The following TTC28 variants were observed in gnomAD, a reference collection of about 807,000 sequenced individuals.
TTC28 encodes tetratricopeptide repeat protein 28.
A neutral mutation model predicts 198.0 loss-of-function variants in TTC28; 61 were observed. That is an observed-to-expected ratio of 0.31 (90% CI 0.25 to 0.38). The LOEUF (loss-of-function observed/expected upper bound fraction) is 0.38, where lower values mean the gene tolerates loss of function less well. Ranked by LOEUF, TTC28 falls within the 10% of genes least tolerant of loss-of-function variation. The probability of loss-of-function intolerance (pLI) is 1.00; values close to 1 mark genes in which losing one functional copy is unlikely to be tolerated. For missense variants in TTC28, 2,678 were observed against 3,164.0 expected, an observed-to-expected ratio of 0.85 and a Z score of 3.69; for synonymous variants, 1,171 against 1,297.8, an observed-to-expected ratio of 0.90 and a Z score of 2.10.
At chr22:28,576,911 T>TA (rs549997500) in intron 2 of TTC28, among the ~76,000 whole-genome samples, 48 of 151,928 alleles carry the variant, frequency 3.2e-4, no homozygotes, top group Non-Finnish European at 5.6e-4. Flanking sequence ...ATTTTATCTT[T>TA]AAAAAAAACT....
rs1942141669 is a variant in TTC28 at position 28,101,213 on chromosome 22, G to A, written c.3375C>T (p.Leu1125=). 8 of 1,551,662 alleles carry A rather than the reference G, an allele frequency of 5.2e-6. No homozygotes were observed. In the African/African-American group the frequency reaches 8.2e-5, roughly 16 times the overall value. The part of the protein sequence containing the change: ...DEAKIRHGLG[L]SLWASGNLEE... ...CCAAGTTTCCACTAGCCCAAAGGGA[G>A]AGGCCAAGGCCATGGCGAATTTTTG... The change falls in exon 9 of 23, where the codon CTC becomes CTT. Residue 1125 remains leucine, a synonymous_variant. Coordinates refer to ENST00000397906, the MANE Select transcript of TTC28 (RefSeq NM_001145418.2).
At chr22:28,061,539 G>A (rs5752690) in intron 12 of TTC28, among the ~76,000 whole-genome samples, 6,304 of 152,180 alleles carry the variant, frequency 0.041, 223 homozygotes, top group South Asian at 0.14. Flanking sequence ...GATGTGTGGC[G>A]TTATACCTGA....
chr22:28,615,685 T>C (rs1255025911), intron 2 of TTC28, among the ~76,000 whole-genome samples: 1 of 148,646 alleles, frequency 6.7e-6, no homozygotes, highest in Non-Finnish European at 1.5e-5. Context: ...CTCAGCAAAC[T>C]AACACAAGGA....
chr22:28,498,668 A>G (rs2048492299), intron 2 of TTC28, among the ~76,000 whole-genome samples: 1 of 152,166 alleles, frequency 6.6e-6, no homozygotes, highest in Non-Finnish European at 1.5e-5. Context: ...GATCTGAGGG[A>G]ACATGAGCAC....
At chr22:28,153,012 G>A (rs1035606146) in intron 6 of TTC28, among the ~76,000 whole-genome samples, 2 of 151,806 alleles carry the variant, frequency 1.3e-5, no homozygotes, top group Non-Finnish European at 2.9e-5. Context: ...ACTCTATTTA[G>A]GAATAAAATA....
At chr22:28,195,968 C>T (rs1254471832) in intron 5 of TTC28, among the ~76,000 whole-genome samples, 42 of 151,854 alleles carry the variant, frequency 2.8e-4, no homozygotes, top group Admixed American at 2.2e-3. Context: ...AAAAAGAGCC[C>T]GTATTGCCAA....
intron 2 of TTC28, among the ~76,000 whole-genome samples, chr22:28,341,617 C>T (rs963052877): frequency 1.3e-5 from 2 of 151,948 alleles, no homozygotes; most frequent in African/African-American, 2.4e-5. Flanking sequence ...CATGGTGAAA[C>T]CCTGTCTCTA....
At chr22:28,614,521 T>C (rs1322062163) in intron 2 of TTC28, among the ~76,000 whole-genome samples, 2 of 152,176 alleles carry the variant, frequency 1.3e-5, no homozygotes, top group Non-Finnish European at 2.9e-5. Flanking sequence ...CCTGGCGGCA[T>C]CACACTACCT....
In TTC28 at chr22:28,211,298, T is replaced by G. The variant is rs1926934408; in HGVS notation, c.934-47699A>C. ...CACATAACAATATTAACCTTAAATGTAAATGGGTTAAATGCTCCAATTAAA... is the reference window on the plus strand; with the variant it reads ...CACATAACAATATTAACCTTAAATGGAAATGGGTTAAATGCTCCAATTAAA... On this transcript the variant is annotated intron_variant, in intron 5 of 22. Coordinates refer to ENST00000397906, the MANE Select transcript of TTC28 (RefSeq NM_001145418.2). Among the ~76,000 whole-genome samples the G allele has an allele frequency of 5.9e-5, 9 of 152,252 alleles. No individual in the cohort carries two copies. The South Asian group carries it at 1.7e-3, about 28-fold the overall frequency.
At chr22:28,262,039 C>T (rs1407144683) in intron 5 of TTC28, among the ~76,000 whole-genome samples, 1 of 152,108 alleles carries the variant, frequency 6.6e-6, no homozygotes, top group Non-Finnish European at 1.5e-5. Context: ...AAATAGATAA[C>T]TTCAGGCTTT....
At chr22:28,271,805 A>C (rs1932093885) in intron 5 of TTC28, among the ~76,000 whole-genome samples, 1 of 152,032 alleles carries the variant, frequency 6.6e-6, no homozygotes, top group African/African-American at 2.4e-5. Flanking sequence ...GGGTTTCACC[A>C]TGTTGGCCAG....
In TTC28 at chr22:27,983,159, T is replaced by A. The variant is rs1937083206; in HGVS notation, c.6508A>T (p.Thr2170Ser). ...QELAQKILEE[T>S]QSHLIAVERL... is the part of the protein sequence containing the mutation. ...TCCACCGCAATGAGATGACTCTGTG[T>A]CTCCTCCAGAATTTTCTGGGCTAAC... is the stretch of plus-strand genomic sequence containing the variant. Residue 2170 changes from threonine to serine, a missense_variant, in exon 23 of 23, where the codon ACA becomes TCA. Coordinates refer to ENST00000397906, the MANE Select transcript of TTC28 (RefSeq NM_001145418.2). 5.8e-6 allele frequency: 9 copies of A among 1,551,724 alleles called. No homozygotes were observed. Among genetic ancestry groups the A allele is most frequent in the Non-Finnish European group, 6.1e-6 (7 of 1,147,028 alleles).
At chr22:28,075,670 T>C (rs1253359546) in intron 12 of TTC28, among the ~76,000 whole-genome samples, 1 of 152,184 alleles carries the variant, frequency 6.6e-6, no homozygotes, top group East Asian at 1.9e-4. Flanking sequence ...CCATTCAACA[T>C]CTGGAATGTC....
chr22:28,607,866 T>C (rs1245794914), intron 2 of TTC28, among the ~76,000 whole-genome samples: 1 of 152,198 alleles, frequency 6.6e-6, no homozygotes, highest in Non-Finnish European at 1.5e-5. Flanking sequence ...TAGTCCAAGT[T>C]AGCTTCATCA....
intron 2 of TTC28, among the ~76,000 whole-genome samples, chr22:28,476,104 G>A (rs771016988): frequency 2.0e-5 from 3 of 152,010 alleles, no homozygotes; most frequent in Non-Finnish European, 4.4e-5. Context: ...TCCAAGACCA[G>A]GACATTACCA....
chr22:28,089,757 G>A (rs889334290), intron 12 of TTC28, among the ~76,000 whole-genome samples: 123 of 148,968 alleles, frequency 8.3e-4, no homozygotes, highest in African/African-American at 2.7e-3. Flanking sequence ...AATGTGGCAT[G>A]TATACACCAT....
Position 28,291,095 on chromosome 22 carries a change from T to A in TTC28, c.933+5103A>T, listed in dbSNP as rs186878560. Among the ~76,000 whole-genome samples the A allele has an allele frequency of 3.1e-3, 469 of 152,178 alleles. 4 individuals carry two copies. Among genetic ancestry groups the A allele is most frequent in the Non-Finnish European group, 4.6e-3 (315 of 68,002 alleles). ...AATACATCAATGTATTCATAAGTAATATGTAAATTCAATATAATTCCAATA... is the reference window on the plus strand; with the variant it reads ...AATACATCAATGTATTCATAAGTAAAATGTAAATTCAATATAATTCCAATA... On this transcript the variant is annotated intron_variant, in intron 5 of 22. Transcript: ENST00000397906.
intron 6 of TTC28, among the ~76,000 whole-genome samples, chr22:28,127,815 C>T (rs1942954515): frequency 1.3e-5 from 2 of 151,988 alleles, no homozygotes; most frequent in South Asian, 4.2e-4. Flanking sequence ...GCCTCAATCT[C>T]CAAGACTCAA....
At chr22:28,416,519 A>C (rs1014914182) in intron 2 of TTC28, among the ~76,000 whole-genome samples, 3 of 152,230 alleles carry the variant, frequency 2.0e-5, no homozygotes, top group African/African-American at 7.2e-5. Flanking sequence ...AAATCAGAGG[A>C]AGATTTACCA....
Sources: allele counts gnomAD v4.1 joint callset (sites outside exome capture counted in the v4.1 genomes callset), GRCh38; gene constraint gnomAD v4.1.1; transcripts MANE v1.5; gene names NCBI Gene and HGNC (gene_info 2026-07-23, HGNC 2026-07-21).